The following LRP1B variants were observed in gnomAD, a reference collection of about 807,000 sequenced individuals.
LRP1B encodes LDL receptor related protein 1B.
A neutral mutation model predicts 556.6 loss-of-function variants in LRP1B; 217 were observed. The observed-to-expected ratio is 0.39, with a 90% confidence interval of 0.35 to 0.44. LRP1B has a LOEUF of 0.44. LRP1B is among the 20% of genes least tolerant of loss of function. The pLI, the probability that LRP1B is intolerant of heterozygous loss-of-function variation, is 1.00. For missense variants in LRP1B, 5,053 were observed against 5,620.8 expected (o/e 0.90, Z 3.23); for synonymous variants, 2,047 against 1,865.8 (o/e 1.10, Z -2.50).
At chr2:141,478,780 G>A (rs547778947) in intron 3 of LRP1B, among the ~76,000 whole-genome samples, 1 of 152,118 alleles carries the variant, frequency 6.6e-6, no homozygotes, top group East Asian at 1.9e-4. Flanking sequence ...CCTGACGTCA[G>A]GTGATCTGCC....
intron 1 of LRP1B, among the ~76,000 whole-genome samples, chr2:142,079,403 A>G (rs1175339657): frequency 1.3e-5 from 2 of 152,178 alleles, no homozygotes; most frequent in Non-Finnish European, 2.9e-5. Context: ...TTATCTTGAA[A>G]TCTCAAATTT....
intron 3 of LRP1B, among the ~76,000 whole-genome samples, chr2:141,363,959 T>C (rs1308017359): frequency 1.3e-5 from 2 of 152,186 alleles, no homozygotes; most frequent in African/African-American, 2.4e-5. Flanking sequence ...TTTCAAATTA[T>C]AATAAGCTCC....
chr2:141,433,439 T>C (rs1573940271), intron 3 of LRP1B, among the ~76,000 whole-genome samples: 1 of 152,206 alleles, frequency 6.6e-6, no homozygotes, highest in African/African-American at 2.4e-5. Context: ...TTTTATTTTC[T>C]TACGGATCTT....
chr2:141,146,213 G>A (rs1701781992), intron 7 of LRP1B, among the ~76,000 whole-genome samples: 2 of 151,434 alleles, frequency 1.3e-5, no homozygotes, highest in Non-Finnish European at 2.9e-5. Flanking sequence ...CATAAGCCAT[G>A]TTATTTCATC....
At chr2:141,662,955 A>T (rs965994194) in intron 2 of LRP1B, among the ~76,000 whole-genome samples, 33 of 134,122 alleles carry the variant, frequency 2.5e-4, no homozygotes, top group Middle Eastern at 4.0e-3. Flanking sequence ...AAATGCAAAA[A>T]AAATAAATAA....
chr2:141,231,737 A>G (rs1469361034), intron 5 of LRP1B, among the ~76,000 whole-genome samples: 1 of 152,006 alleles, frequency 6.6e-6, no homozygotes, highest in Non-Finnish European at 1.5e-5. Context: ...TGTCAAATGT[A>G]TCTGCCATAA....
chr2:140,618,737 G>A (rs1683344126), intron 41 of LRP1B, among the ~76,000 whole-genome samples: 1 of 151,980 alleles, frequency 6.6e-6, no homozygotes, highest in Admixed American at 6.6e-5. Context: ...AAGAGTGTCA[G>A]GGAATGACAG....
At chr2:141,660,495 C>T (rs576865757) in intron 2 of LRP1B, among the ~76,000 whole-genome samples, 210 of 152,210 alleles carry the variant, frequency 1.4e-3, no homozygotes, top group African/African-American at 4.8e-3. Flanking sequence ...GCTGGTGCCG[C>T]GGAAACTGGG....
intron 43 of LRP1B, among the ~76,000 whole-genome samples, chr2:140,543,472 T>C (rs1419062218): frequency 6.6e-6 from 1 of 151,976 alleles, no homozygotes; most frequent in East Asian, 1.9e-4. Context: ...TTCAGCATAA[T>C]TCACCATAAT....
chr2:141,133,292 T>G (rs113867847), intron 7 of LRP1B, among the ~76,000 whole-genome samples: 1 of 81,814 alleles, frequency 1.2e-5, no homozygotes, highest in Non-Finnish European at 2.9e-5. Context: ...TAACGTCTCT[T>G]TTTTTTTTTT....
At chr2:140,326,637 C>A (rs886471402) in intron 79 of LRP1B, among the ~76,000 whole-genome samples, 2 of 151,858 alleles carry the variant, frequency 1.3e-5, no homozygotes, top group Non-Finnish European at 2.9e-5. Context: ...ATCACTTGAA[C>A]CTGGGAGGCA....
Position 140,503,075 on chromosome 2 carries a change from A to G in LRP1B, c.8550T>C (p.Phe2850=), listed in dbSNP as rs775075632. The change falls in exon 54 of 91, where the codon TTT becomes TTC. Residue 2850 remains phenylalanine, a synonymous_variant. Coordinates refer to ENST00000389484, the MANE Select transcript of LRP1B (RefSeq NM_018557.3). ...GAAGACACCGCCCATCAGCACAACTAAATTCTTCTGTACCACACTGTCGAT... is the reference window on the plus strand; with the variant it reads ...GAAGACACCGCCCATCAGCACAACTGAATTCTTCTGTACCACACTGTCGAT... ...CGYRQCGTEE[F]SCADGRCLLN... 2 of 1,613,292 alleles carry G rather than the reference A, an allele frequency of 1.2e-6. No homozygotes were observed. Among genetic ancestry groups the G allele is most frequent in the Non-Finnish European group, 1.7e-6 (2 of 1,179,368 alleles).
intron 59 of LRP1B, among the ~76,000 whole-genome samples, 154 bp downstream of exon 59, chr2:140,485,189 A>C (rs1688414562): frequency 6.6e-6 from 1 of 151,936 alleles, no homozygotes. Context: ...TCATTGTGAT[A>C]ATCACATTAC....
At chr2:142,032,752 C>T (rs1283239701) in intron 1 of LRP1B, among the ~76,000 whole-genome samples, 1 of 151,710 alleles carries the variant, frequency 6.6e-6, no homozygotes, top group African/African-American at 2.4e-5. Flanking sequence ...AATTTAGGGA[C>T]CATCTTGGGC....
Position 141,034,760 on chromosome 2 carries a change from G to T in LRP1B, c.1789+14226C>A, listed in dbSNP as rs574689538. Among the ~76,000 whole-genome samples the T allele has an allele frequency of 1.6e-3, 234 of 148,916 alleles. 1 individual carries two copies. Among genetic ancestry groups the T allele is most frequent in the African/African-American group, 5.6e-3 (222 of 39,976 alleles). ...AGGAACACTTTTACACTGTTGGTGG[G>T]ACTGTAAACTAGTTCAACCATTGTG... On this transcript the variant is annotated intron_variant, in intron 11 of 90. Coordinates refer to ENST00000389484, the MANE Select transcript of LRP1B (RefSeq NM_018557.3).
chr2:140,296,450 TAAC>T (rs1296060605), intron 84 of LRP1B, among the ~76,000 whole-genome samples: 1 of 152,150 alleles, frequency 6.6e-6, no homozygotes, highest in Non-Finnish European at 1.5e-5. Flanking sequence ...ATTAGAGTGA[TAAC>T]AAGCTGTCAA....
intron 1 of LRP1B, among the ~76,000 whole-genome samples, chr2:142,018,577 T>C (rs867007003): frequency 6.6e-6 from 1 of 152,162 alleles, no homozygotes; most frequent in South Asian, 2.1e-4. Flanking sequence ...ATATTTACCA[T>C]AGCTTTCTGT....
chr2:140,426,475 C>A (rs896720886), intron 66 of LRP1B, among the ~76,000 whole-genome samples: 1 of 152,136 alleles, frequency 6.6e-6, no homozygotes, highest in African/African-American at 2.4e-5. Context: ...CCTGCCTTAA[C>A]TGATGACATT....
chr2:141,783,729 TTAAA>T (rs1170878728), intron 2 of LRP1B, among the ~76,000 whole-genome samples: 5 of 151,854 alleles, frequency 3.3e-5, no homozygotes, highest in Non-Finnish European at 5.9e-5. Flanking sequence ...ATAAATTTGA[TTAAA>T]TATTATATTA....
Sources: allele counts gnomAD v4.1 joint callset (sites outside exome capture counted in the v4.1 genomes callset), GRCh38; gene constraint gnomAD v4.1.1; transcripts MANE v1.5; gene names NCBI Gene and HGNC (gene_info 2026-07-23, HGNC 2026-07-21).